ARSH: variants seen among roughly 807,000 people sequenced by gnomAD.
The protein encoded by ARSH is arylsulfatase H.
ARSH carries 32 observed loss-of-function variants against 28.7 expected under a neutral mutation model. That is an observed-to-expected ratio of 1.11 (90% CI 0.84 to 1.50). The LOEUF (loss-of-function observed/expected upper bound fraction) is 1.50, where lower values mean the gene tolerates loss of function less well. Among genes scored for constraint, ARSH ranks in the 40% most tolerant of loss-of-function variants. The pLI, the probability that ARSH is intolerant of heterozygous loss-of-function variation, is 0.00. For synonymous variants in ARSH, 176 were observed against 177.3 expected, an observed-to-expected ratio of 0.99 and a Z score of 0.06; for missense variants, 440 against 452.4, an observed-to-expected ratio of 0.97 and a Z score of 0.25.
intron 6 of ARSH, 85 bp downstream of exon 6, chrX:3,024,240 TG>T: frequency 1.0e-6 from 1 of 962,144 alleles, no homozygotes; most frequent in Non-Finnish European, 1.4e-6. Context: ...TCATTTGCCA[TG>T]ATGTTCAGAT....
At chrX:3,012,584 T>TATTATATATA (rs1555914128) in intron 2 of ARSH, among the ~76,000 whole-genome samples, 24 of 13,573 alleles carry the variant, frequency 1.8e-3, no homozygotes, top group African/African-American at 6.3e-3. Flanking sequence ...TATATATATA[T>TATTATATATA]ATATATATAT....
chrX:3,019,193 A>G (rs1043905070), intron 5 of ARSH, among the ~76,000 whole-genome samples: 4 of 105,724 alleles, frequency 3.8e-5, no homozygotes, highest in African/African-American at 1.4e-4. Context: ...TGGATCCAGG[A>G]TGCAGAGGTT....
intron 8 of ARSH, 60 bp downstream of exon 8, chrX:3,029,428 C>A (rs1041781041): frequency 1.7e-6 from 2 of 1,158,936 alleles, no homozygotes; most frequent in Non-Finnish European, 2.3e-6. Flanking sequence ...CGGTCTCCTT[C>A]GTCTCCTGGC....
Position 3,013,077 on chromosome X carries a change from C to A in ARSH, c.245C>A (p.Ala82Asp). The change falls in exon 3 of 9, where the codon GCC (alanine) becomes GAC (aspartate). Residue 82 changes from alanine (A) to aspartate (D), a missense_variant. Physicochemically the swap from Ala to Asp is moderately radical, Grantham distance 126. Transcript: ENST00000381130. ...GMVSAYNLNR[A>D]FTWLGGSGGL... ...GTGTCTGCCTACAACCTGAACCGTGCCTTCACGTGGCTTGGTGGGTCAGGT... is the reference window on the plus strand; with the variant it reads ...GTGTCTGCCTACAACCTGAACCGTGACTTCACGTGGCTTGGTGGGTCAGGT... 8.3e-7 allele frequency: 1 copy of A among 1,210,869 alleles called. No individual in the cohort carries two copies. Among genetic ancestry groups the A allele is most frequent in the Non-Finnish European group, 1.1e-6 (1 of 895,032 alleles).
chrX:3,030,518 G>T (rs1355090204), intron 8 of ARSH, among the ~76,000 whole-genome samples: 2 of 111,610 alleles, frequency 1.8e-5, no homozygotes. Flanking sequence ...GTGGTTTAAT[G>T]GACTCACAGT....
Position 3,015,363 on chromosome X carries a change from T to C in ARSH, c.734T>C (p.Met245Thr). ...AAAGAGGAGAAAGTAGCTTCCCTCA[T>C]GCTGAAGGAGGCACTTGCTTTCATT... ...PMKEEKVASL[M>T]LKEALAFIER... The change falls in exon 4 of 9, where the codon ATG becomes ACG. Residue 245 changes from methionine (M) to threonine (T), a missense_variant. Transcript: ENST00000381130. The C allele has an allele frequency of 8.3e-7, 1 of 1,211,559 alleles. No homozygotes were observed. Among genetic ancestry groups the C allele is most frequent in the East Asian group, 3.0e-5 (1 of 33,870 alleles).
At chrX:3,030,954 A>G (rs969391265) in intron 8 of ARSH, among the ~76,000 whole-genome samples, 5 of 109,866 alleles carry the variant, frequency 4.6e-5, no homozygotes, top group African/African-American at 1.3e-4. Flanking sequence ...GTTTGATATC[A>G]GCCTGGGCAA....
At chrX:3,032,970 A>T in intron 8 of ARSH, 48 bp from the exon 9 acceptor site, 1 of 1,156,876 alleles carries the variant, frequency 8.6e-7, no homozygotes, top group Non-Finnish European at 1.1e-6. Context: ...AAAGAGTCCT[A>T]AAATCACCAC....
chrX:3,033,295 A>G lies in ARSH; in HGVS notation c.1599A>G (p.Thr533=). The G allele has an allele frequency of 8.3e-7, 1 of 1,211,226 alleles. No individual in the cohort carries two copies. The highest frequency in any genetic ancestry group is 1.1e-6 in the Non-Finnish European group (1 of 895,197). ...CACAGCAGTTCTCTGTGTTCAACAC[A>G]ATTTGGAAACCATGGCTGCAGCCTT... ...PVPQQFSVFN[T]IWKPWLQPCC... is the part of the protein sequence containing the mutation. The change falls in exon 9 of 9, where the codon ACA becomes ACG. Residue 533 remains threonine (T), a synonymous_variant. Coordinates refer to ENST00000381130, the MANE Select transcript of ARSH (RefSeq NM_001011719.2).
chrX:3,015,447 A>G, intron 4 of ARSH, 54 bp downstream of exon 4: 2 of 1,101,166 alleles, frequency 1.8e-6, no homozygotes, highest in South Asian at 2.2e-5. Flanking sequence ...TTTTTATTTC[A>G]TAGGAGGTCA....
At chrX:3,022,788 T>C (rs140194233) in intron 5 of ARSH, among the ~76,000 whole-genome samples, 4 of 111,792 alleles carry the variant, frequency 3.6e-5, no homozygotes, top group African/African-American at 1.3e-4. Flanking sequence ...GCAATTTCCA[T>C]GTAGACTTCA....
chrX:3,029,157 C>T, intron 7 of ARSH, 90 bp from the exon 8 acceptor site: 1 of 969,563 alleles, frequency 1.0e-6, no homozygotes, highest in African/African-American at 1.9e-5. Flanking sequence ...TTTTCCTCCT[C>T]CTCCTCCTCC....
chrX:3,032,206 C>T (rs1184059556), intron 8 of ARSH, among the ~76,000 whole-genome samples: 1 of 110,503 alleles, frequency 9.0e-6, no homozygotes, highest in Non-Finnish European at 1.9e-5. Context: ...ATCACTTGAA[C>T]CCAGGAGGCA....
intron 3 of ARSH, among the ~76,000 whole-genome samples, chrX:3,013,603 G>C (rs1454502): frequency 0.01 from 1,095 of 105,587 alleles, 19 homozygotes; most frequent in African/African-American, 0.036. Flanking sequence ...GGTTTGGGGC[G>C]GGGGGACATG....
At chrX:3,011,299 G>C (rs1376229828) in intron 2 of ARSH, among the ~76,000 whole-genome samples, 1 of 103,372 alleles carries the variant, frequency 9.7e-6, no homozygotes, top group Non-Finnish European at 2.0e-5. Context: ...ATCCAGGCTG[G>C]AGTGCAAGGG....
chrX:3,009,970 T>C (rs2089841728), intron 1 of ARSH, 60 bp from the exon 2 acceptor site: 2 of 1,177,302 alleles, frequency 1.7e-6, no homozygotes, highest in Admixed American at 4.4e-5. Context: ...GCTTTGATCC[T>C]TGATCATTGT....
At chrX:3,011,149 A>ACCGTGTAT (rs1728443900) in intron 2 of ARSH, among the ~76,000 whole-genome samples, 1 of 111,237 alleles carries the variant, frequency 9.0e-6, no homozygotes, top group Admixed American at 9.6e-5. Context: ...ATAACACAGT[A>ACCGTGTAT]CCGTGTATGA....
intron 5 of ARSH, among the ~76,000 whole-genome samples, chrX:3,022,703 A>T (rs1371409308): frequency 8.9e-6 from 1 of 112,038 alleles, no homozygotes; most frequent in Non-Finnish European, 1.9e-5. Context: ...CACATTAAAG[A>T]CAGTGTCTGC....
chrX:3,031,524 ATTTAAC>A (rs1195623583), intron 8 of ARSH, among the ~76,000 whole-genome samples: 2 of 111,917 alleles, frequency 1.8e-5, no homozygotes. Flanking sequence ...ACTTGGTTGG[ATTTAAC>A]TTTATTTGCA....
Sources: allele counts gnomAD v4.1 joint callset (sites outside exome capture counted in the v4.1 genomes callset), GRCh38; gene constraint gnomAD v4.1.1; transcripts MANE v1.5; gene names NCBI Gene and HGNC (gene_info 2026-07-23, HGNC 2026-07-21).